Variants in PXYLP1 observed in about 807,000 individuals in gnomAD.
The protein encoded by PXYLP1 is acid phosphatase-like 2.
Under a neutral mutation model 37.9 loss-of-function variants are expected in PXYLP1, and 17 were observed. The observed-to-expected ratio is 0.45, with a 90% confidence interval of 0.31 to 0.67. The LOEUF is 0.67. PXYLP1 is among the 30% of genes least tolerant of loss of function. The probability of loss-of-function intolerance (pLI) is 0.07; values close to 1 mark genes in which losing one functional copy is unlikely to be tolerated. For synonymous variants in PXYLP1, 221 were observed against 232.2 expected, an observed-to-expected ratio of 0.95 and a Z score of 0.44; for missense variants, 511 against 612.0, an observed-to-expected ratio of 0.84 and a Z score of 1.74.
At position 141,290,598 on chromosome 3, in the gene PXYLP1, G is replaced by A. The variant is rs530035350; in HGVS notation, c.506-1670G>A. On this transcript the variant is annotated intron_variant, in intron 5 of 5. Coordinates refer to ENST00000286353, the MANE Select transcript of PXYLP1 (RefSeq NM_001037172.3). ...TTTCCCTAGGGAGAGAAAGGGGAACGGTATGAACAAAGCCATGAAGATGCA... is the reference window on the plus strand; with the variant it reads ...TTTCCCTAGGGAGAGAAAGGGGAACAGTATGAACAAAGCCATGAAGATGCA... Among the ~76,000 whole-genome samples the A allele has an allele frequency of 1.6e-4, 24 of 152,228 alleles. No individual in the cohort carries two copies. In the South Asian group the frequency reaches 3.7e-3, roughly 24 times the overall value.
chr3:141,287,948 G>A (rs1428606503), intron 5 of PXYLP1, among the ~76,000 whole-genome samples: 1 of 152,208 alleles, frequency 6.6e-6, no homozygotes, highest in Non-Finnish European at 1.5e-5. Flanking sequence ...CTAATCTCAT[G>A]TTCTCAGATA....
rs558190461 is a variant in PXYLP1 at position 141,261,170 on chromosome 3, A to G, written c.79+916A>G. Among the ~76,000 whole-genome samples, 3 of 152,114 alleles carry G rather than the reference A, an allele frequency of 2.0e-5. No individual in the cohort carries two copies. In the East Asian group the frequency reaches 5.8e-4, roughly 29 times the overall value. Reference sequence around the variant, plus strand: ...CCTTCCCCCGTTTTTTTCTTGAAATAGGGTCTTAGTCTGTTGCCCAGGCTG... The same window carrying G: ...CCTTCCCCCGTTTTTTTCTTGAAATGGGGTCTTAGTCTGTTGCCCAGGCTG... On this transcript the variant is annotated intron_variant, in intron 2 of 5. Transcript: ENST00000286353.
At chr3:141,244,748 T>C (rs1940895959) in intron 1 of PXYLP1, among the ~76,000 whole-genome samples, 1 of 151,780 alleles carries the variant, frequency 6.6e-6, no homozygotes, top group Non-Finnish European at 1.5e-5. Context: ...TGTTTCCCTA[T>C]GGATGAACAT....
Position 141,278,528 on chromosome 3 carries a change from A to C in PXYLP1, c.238+28A>C, listed in dbSNP as rs1266744490. On this transcript the variant is annotated intron_variant, in intron 3 of 5. Transcript: ENST00000286353. ...AGGCCTGACTGTGCCACCAGGACAGATACCCCTTTGGGGACTAGTTATTCC... is the reference window on the plus strand; with the variant it reads ...AGGCCTGACTGTGCCACCAGGACAGCTACCCCTTTGGGGACTAGTTATTCC... 3.1e-6 allele frequency: 5 copies of C among 1,612,796 alleles called. No homozygotes were observed. The Admixed American group carries it at 6.7e-5, about 22-fold the overall frequency.
rs1467111417 is a variant in PXYLP1 at position 141,294,397 on chromosome 3, A to G, written c.*1192A>G. 6.6e-6 allele frequency: 1 copy of G among 152,206 alleles called. No individual in the cohort carries two copies. The highest frequency in any genetic ancestry group is 1.9e-4 in the East Asian group (1 of 5,202). The allele number at this position is 152,206 out of a possible 1,614,324, so 9.4% of individuals were successfully genotyped here. On this transcript the variant is annotated 3_prime_UTR_variant, in exon 6 of 6. Transcript: ENST00000286353. ...ATGGTAAATTCTGATTGATTTTTAA[A>G]TGCGTTTTTGGAAGAACTTTGCTAT...
chr3:141,285,447 G>T (rs966475319), intron 4 of PXYLP1, among the ~76,000 whole-genome samples: 1 of 151,768 alleles, frequency 6.6e-6, no homozygotes, highest in Non-Finnish European at 1.5e-5. Context: ...CGGCCTGTTA[G>T]CTATTCTTTA....
chr3:141,273,564 A>G (rs982079222), intron 2 of PXYLP1: 20 of 985,372 alleles, frequency 2.0e-5, no homozygotes, highest in Non-Finnish European at 2.4e-5. Context: ...TGTTTTACTC[A>G]TGATTCTAAG....
intron 1 of PXYLP1, among the ~76,000 whole-genome samples, chr3:141,251,353 GA>G (rs1275155023): frequency 6.6e-6 from 1 of 152,196 alleles, no homozygotes; most frequent in African/African-American, 2.4e-5. Flanking sequence ...CCTGGAATAG[GA>G]GAAGAAAAAC....
At chr3:141,263,201 A>T (rs1042967606) in intron 2 of PXYLP1, among the ~76,000 whole-genome samples, 18 of 152,230 alleles carry the variant, frequency 1.2e-4, no homozygotes, top group Non-Finnish European at 2.2e-4. Flanking sequence ...ACATATATTT[A>T]TTAAGTGCTT....
intron 2 of PXYLP1, among the ~76,000 whole-genome samples, chr3:141,269,969 A>G (rs921914999): frequency 6.6e-6 from 1 of 152,244 alleles, no homozygotes; most frequent in Non-Finnish European, 1.5e-5. Flanking sequence ...CCCCATGCCC[A>G]AGCAATGGGT....
chr3:141,266,685 G>A, intron 2 of PXYLP1, among the ~76,000 whole-genome samples: 1 of 139,038 alleles, frequency 7.2e-6, no homozygotes, highest in South Asian at 2.6e-4. Flanking sequence ...GAGAGAGGGA[G>A]AGATGAGGGG....
chr3:141,279,074 G>T (rs983077567), intron 3 of PXYLP1, among the ~76,000 whole-genome samples: 2 of 152,230 alleles, frequency 1.3e-5, no homozygotes, highest in African/African-American at 4.8e-5. Flanking sequence ...GTCTGTGCAT[G>T]TGAGTGAGGC....
Position 141,293,181 on chromosome 3 carries a change from T to A in PXYLP1, c.1419T>A (p.Asp473Glu). 2 of 1,613,810 alleles carry A rather than the reference T, an allele frequency of 1.2e-6. No individual in the cohort carries two copies. Among genetic ancestry groups the A allele is most frequent in the Non-Finnish European group, 1.7e-6 (2 of 1,179,940 alleles). ...ALGGSGTNYY[D>E]ACHREGF ...GTGGCAGTGGTACAAATTATTATGA[T>A]GCATGTCACAGGGAAGGATTCTAAA... Residue 473 changes from aspartate (D) to glutamate (E), a missense_variant, in exon 6 of 6, where the codon GAT (aspartate) becomes GAA (glutamate). Transcript: ENST00000286353.
chr3:141,251,256 T>A, intron 1 of PXYLP1, among the ~76,000 whole-genome samples: 1 of 152,258 alleles, frequency 6.6e-6, no homozygotes, highest in East Asian at 1.9e-4. Flanking sequence ...CCCTTGGGGT[T>A]ATCTAGGGTC....
At chr3:141,286,497 T>C (rs1430644124) in intron 4 of PXYLP1, among the ~76,000 whole-genome samples, 4 of 152,034 alleles carry the variant, frequency 2.6e-5, no homozygotes, top group African/African-American at 9.7e-5. Flanking sequence ...AAGGATAGGG[T>C]AGATTTTCTA....
At position 141,268,194 on chromosome 3, in the gene PXYLP1, AGAGAGAGAGAGAGT is replaced by A. The variant is rs1252765535; in HGVS notation, c.79+7942_79+7955del. On this transcript the variant is annotated intron_variant, in intron 2 of 5. Coordinates refer to ENST00000286353, the MANE Select transcript of PXYLP1 (RefSeq NM_001037172.3). ...GAGAGAGAGAGAGAGAGAGAGAGAG[AGAGAGAGAGAGAGT>A]GTGTGTGTGTGTGTGTGTGTGTGTG... Among the ~76,000 whole-genome samples, 1,089 of 119,052 alleles carry A rather than the reference AGAGAGAGAGAGAGT, an allele frequency of 9.1e-3. 5 individuals carry two copies. The highest frequency in any genetic ancestry group is 0.037 in the South Asian group (136 of 3,662). The allele number at this position is 119,052 out of a possible 152,430, so 78.1% of individuals were successfully genotyped here. A position where few individuals can be genotyped will look rare whatever the true frequency, so the allele number is the denominator to read the frequency against.
rs566480926 is a variant in PXYLP1 at position 141,259,911 on chromosome 3, C to G, written c.-53-212C>G. Among the ~76,000 whole-genome samples the G allele has an allele frequency of 2.6e-5, 4 of 152,270 alleles. No individual in the cohort carries two copies. In the East Asian group the frequency reaches 5.8e-4, roughly 22 times the overall value. ...GCATTCAGGAACTAGTTTTTGCTTACTAACTTGAAGGGAGCATTCTCGCTT... is the reference window on the plus strand; with the variant it reads ...GCATTCAGGAACTAGTTTTTGCTTAGTAACTTGAAGGGAGCATTCTCGCTT... On this transcript the variant is annotated intron_variant, in intron 1 of 5. Coordinates refer to ENST00000286353, the MANE Select transcript of PXYLP1 (RefSeq NM_001037172.3).
intron 2 of PXYLP1, 40 bp downstream of exon 2, chr3:141,260,294 G>C (rs1363642583): frequency 1.2e-6 from 2 of 1,601,272 alleles, no homozygotes; most frequent in East Asian, 4.5e-5. Context: ...GGAGGGTAGG[G>C]GCTTCATAGG....
At chr3:141,275,284 C>T (rs373146763) in intron 2 of PXYLP1, among the ~76,000 whole-genome samples, 4 of 152,196 alleles carry the variant, frequency 2.6e-5, no homozygotes, top group African/African-American at 9.7e-5. Context: ...GTCATTTGCA[C>T]CCAACCACCA....
Sources: allele counts gnomAD v4.1 joint callset (sites outside exome capture counted in the v4.1 genomes callset), GRCh38; gene constraint gnomAD v4.1.1; transcripts MANE v1.5; gene names NCBI Gene and HGNC (gene_info 2026-07-23, HGNC 2026-07-21).